The following AFF1 variants were observed in gnomAD, a reference collection of about 807,000 sequenced individuals.
The protein encoded by AFF1 is ALF transcription elongation factor 1.
AFF1 carries 48 observed loss-of-function variants against 121.7 expected under a neutral mutation model. The ratio of observed to expected loss-of-function variants is 0.39; its 90% confidence interval spans 0.31 to 0.50. AFF1 has a LOEUF of 0.50. Among genes scored for constraint, AFF1 ranks in the 20% least tolerant of loss-of-function variants. The probability of loss-of-function intolerance (pLI) is 0.76; values close to 1 mark genes in which losing one functional copy is unlikely to be tolerated. For synonymous variants in AFF1, 613 were observed against 563.0 expected, an observed-to-expected ratio of 1.09 and a Z score of -1.26; for missense variants, 1,523 against 1,511.7, an observed-to-expected ratio of 1.01 and a Z score of -0.12.
intron 1 of AFF1, among the ~76,000 whole-genome samples, chr4:86,937,268 GA>G (rs1417297463): frequency 2.6e-5 from 4 of 152,176 alleles, no homozygotes; most frequent in African/African-American, 9.7e-5. Context: ...TGTTAAATTA[GA>G]ATACAAAGAT....
intron 4 of AFF1, 53 bp downstream of exon 4, chr4:87,047,647 T>G (rs761241056): frequency 5.6e-6 from 9 of 1,610,136 alleles, no homozygotes; most frequent in Non-Finnish European, 7.6e-6. Context: ...GGATTTGAGA[T>G]GAAAATGTCC....
intron 4 of AFF1, chr4:87,048,080 G>T (rs767668063): frequency 6.3e-6 from 1 of 159,414 alleles, no homozygotes; most frequent in African/African-American, 2.4e-5. Context: ...GCTCTAAACC[G>T]TAAAAAAGTA....
At chr4:86,945,966 A>G (rs1326810717) in intron 1 of AFF1, among the ~76,000 whole-genome samples, 2 of 152,198 alleles carry the variant, frequency 1.3e-5, no homozygotes, top group African/African-American at 4.8e-5. Flanking sequence ...TTAAAGCATT[A>G]AACAAAAAAT....
chr4:87,111,002 T>A (rs190791198), intron 11 of AFF1, among the ~76,000 whole-genome samples: 5,625 of 89,766 alleles, frequency 0.063, 1,613 homozygotes, highest in African/African-American at 0.24. Context: ...AACTTTATTT[T>A]TTTTTTTTTA....
intron 2 of AFF1, among the ~76,000 whole-genome samples, chr4:87,007,921 C>G (rs770075425): frequency 2.0e-5 from 3 of 152,136 alleles, no homozygotes; most frequent in Non-Finnish European, 2.9e-5. Context: ...AAAACGGCCC[C>G]GCTTACGTGA....
chr4:86,984,444 C>A (rs539555201), intron 2 of AFF1, among the ~76,000 whole-genome samples: 2 of 151,908 alleles, frequency 1.3e-5, no homozygotes, highest in South Asian at 2.1e-4. Context: ...CTGCTTCAGC[C>A]TCCCGAGTAG....
chr4:87,046,031 T>C, intron 2 of AFF1, 135 bp from the exon 3 acceptor site: 1 of 1,112,558 alleles, frequency 9.0e-7, no homozygotes, highest in Non-Finnish European at 1.3e-6. Flanking sequence ...ACTTAGGCTT[T>C]CTTTAAATCA....
intron 2 of AFF1, among the ~76,000 whole-genome samples, chr4:87,008,480 C>T (rs559786942): frequency 1.3e-5 from 2 of 152,280 alleles, no homozygotes; most frequent in African/African-American, 4.8e-5. Context: ...ATTTCTTCTT[C>T]TCAACACAGT....
intron 9 of AFF1, 42 bp from the exon 10 acceptor site, chr4:87,105,766 G>A (rs1239250595): frequency 3.7e-6 from 6 of 1,613,514 alleles, no homozygotes; most frequent in South Asian, 2.2e-5. Flanking sequence ...CCTGTTTTTT[G>A]TTCTTTTCCT....
At position 86,948,492 on chromosome 4, in the gene AFF1, T is replaced by C; in HGVS notation, c.-36-6T>C. On this transcript the variant is annotated splice_polypyrimidine_tract_variant and splice_region_variant and intron_variant, in intron 1 of 20. Coordinates refer to ENST00000395146, the MANE Select transcript of AFF1 (RefSeq NM_001166693.3). ...GTTCACAGGCTACTCTTTGTTTCTC[T>C]TTCAGATGAACAGACTAGCCACTTT... 1 of 1,530,628 alleles carries C rather than the reference T, an allele frequency of 6.5e-7. No homozygotes were observed. The highest frequency in any genetic ancestry group is 8.8e-7 in the Non-Finnish European group (1 of 1,141,610). The allele number at this position is 1,530,628 out of a possible 1,614,324, so 94.8% of individuals were successfully genotyped here.
intron 2 of AFF1, among the ~76,000 whole-genome samples, chr4:87,032,927 T>A (rs1376666622): frequency 6.6e-6 from 1 of 152,114 alleles, no homozygotes. Context: ...GGCAAGAGGA[T>A]TGCTTGAGGC....
chr4:87,013,684 T>A (rs1321463440), intron 2 of AFF1, among the ~76,000 whole-genome samples: 1 of 144,232 alleles, frequency 6.9e-6, no homozygotes, highest in Non-Finnish European at 1.5e-5. Context: ...TTTTTTTTTT[T>A]AAGTATTGCT....
At chr4:87,096,769 A>G (rs992357236) in intron 8 of AFF1, among the ~76,000 whole-genome samples, 2 of 151,054 alleles carry the variant, frequency 1.3e-5, no homozygotes, top group African/African-American at 4.9e-5. Flanking sequence ...ATTTTTACAT[A>G]TTTATGTTTT....
At position 87,084,139 on chromosome 4, in the gene AFF1, T is replaced by C. The variant is rs769931690; in HGVS notation, c.1079T>C (p.Val360Ala). 3.7e-6 allele frequency: 6 copies of C among 1,613,920 alleles called. No homozygotes were observed. Among genetic ancestry groups the C allele is most frequent in the Non-Finnish European group, 5.1e-6 (6 of 1,179,844 alleles). The change falls in exon 5 of 21, where the codon GTC becomes GCC. Residue 360 changes from valine (V) to alanine (A), a missense_variant. This residue lies in a region of AFF1 where 905 missense variants were observed against 842.5 expected (regional missense o/e 1.07). Transcript: ENST00000395146. ...QSVEQTYSNE[V>A]HCVEEILKEM... ...TTTCAGCAGACCTACTCCAATGAAG[T>C]CCATTGTGTTGAAGAGATTCTGAAG...
chr4:87,133,433 GCCTCTCTTAAAAAAGAAAGT>G (rs1479962134), intron 19 of AFF1, among the ~76,000 whole-genome samples: 1 of 152,048 alleles, frequency 6.6e-6, no homozygotes, highest in African/African-American at 2.4e-5. Flanking sequence ...CTCCCATATG[GCCTCTCTTAAAAAAGAAAGT>G]CCTGATTAAG....
At chr4:87,033,309 G>A (rs1729246250) in intron 2 of AFF1, among the ~76,000 whole-genome samples, 1 of 152,308 alleles carries the variant, frequency 6.6e-6, no homozygotes. Context: ...TGGTTAGCAA[G>A]TCTAAATGCT....
At position 87,007,472 on chromosome 4, in the gene AFF1, G is replaced by T. The variant is rs1189898729; in HGVS notation, c.39-38694G>T. ...TTTTCAAACGCGTTCGTGGCGAGGG[G>T]AGCTGAAGGTTGCGGGGGAGGGCAG... On this transcript the variant is annotated intron_variant, in intron 2 of 20. Transcript: ENST00000395146. 3.1e-6 allele frequency: 5 copies of T among 1,613,224 alleles called. No individual in the cohort carries two copies. The Admixed American group carries it at 6.7e-5, about 22-fold the overall frequency.
intron 4 of AFF1, among the ~76,000 whole-genome samples, chr4:87,075,697 G>GGTA (rs766733327): frequency 2.6e-5 from 4 of 152,142 alleles, no homozygotes; most frequent in Non-Finnish European, 5.9e-5. Context: ...CTGATTAGGT[G>GGTA]GTAGTGGTTG....
intron 17 of AFF1, among the ~76,000 whole-genome samples, 193 bp from the exon 18 acceptor site, chr4:87,131,598 CAA>C (rs1337862740): frequency 6.6e-6 from 1 of 152,192 alleles, no homozygotes; most frequent in Non-Finnish European, 1.5e-5. Flanking sequence ...ACAAGCCACA[CAA>C]GAGACGTGTA....
Sources: gnomAD v4.1 joint callset for allele counts (sites outside exome capture counted in the v4.1 genomes callset) on GRCh38, gnomAD v4.1.1 for gene constraint, gnomAD v4.1.1 regional missense constraint, MANE v1.5 for transcripts, NCBI Gene and HGNC (gene_info 2026-07-23, HGNC 2026-07-21) for gene names.